WASHC2C: variants seen among roughly 807,000 people sequenced by gnomAD.
The protein encoded by WASHC2C is WASH complex subunit 2C.
A neutral mutation model predicts 142.2 loss-of-function variants in WASHC2C; 73 were observed. The observed-to-expected ratio is 0.51, with a 90% confidence interval of 0.43 to 0.62. WASHC2C has a LOEUF of 0.62. WASHC2C is among the 20% of genes least tolerant of loss of function. WASHC2C has a pLI of 0.00. For synonymous variants in WASHC2C, 337 were observed against 565.5 expected (o/e 0.60, Z 5.73); for missense variants, 969 against 1,531.7 (o/e 0.63, Z 6.13).
At chr10:45,780,082 C>T (rs2057381509) in intron 23 of WASHC2C, among the ~76,000 whole-genome samples, 2 of 151,856 alleles carry the variant, frequency 1.3e-5, no homozygotes, top group East Asian at 3.9e-4. Context: ...GCTAGATATC[C>T]TTTATGAATG....
intron 11 of WASHC2C, among the ~76,000 whole-genome samples, chr10:45,751,928 G>C (rs2053641188): frequency 6.6e-6 from 1 of 152,168 alleles, no homozygotes; most frequent in Admixed American, 6.5e-5. Context: ...AGTGAGCCTT[G>C]ATCGCGCCAC....
rs1435324853 is a variant in WASHC2C at position 45,727,531 on chromosome 10, G to A, written c.118G>A (p.Asp40Asn). 6 of 1,586,406 alleles carry A rather than the reference G, an allele frequency of 3.8e-6. No individual in the cohort carries two copies. Among genetic ancestry groups the A allele is most frequent in the Non-Finnish European group, 5.1e-6 (6 of 1,168,030 alleles). Residue 40 changes from aspartate to asparagine, a missense_variant, in exon 2 of 31, where the codon GAC becomes AAC. Physicochemically the swap from Asp to Asn is conservative, Grantham distance 23. Transcript: ENST00000623400. Reference sequence around the variant, plus strand: ...CAGCCAGAGCTGGTCGCTGGCGGCCGACGCGGGCGTGAGAGGCGGGCCCCG... The same window carrying A: ...CAGCCAGAGCTGGTCGCTGGCGGCCAACGCGGGCGTGAGAGGCGGGCCCCG... ...RSSQSWSLAA[D>N]AGLLQFLQEF...
chr10:45,727,128 T>C, upstream of WASHC2C: 1 of 1,424,108 alleles, frequency 7.0e-7, no homozygotes, highest in East Asian at 2.7e-5. Flanking sequence ...CAAACTCCAG[T>C]CCCAGTCCAC....
intron 30 of WASHC2C, 67 bp from the exon 31 acceptor site, chr10:45,792,194 G>A: frequency 1.3e-6 from 2 of 1,539,646 alleles, no homozygotes; most frequent in African/African-American, 1.4e-5. Flanking sequence ...TGGTTTGCTT[G>A]CATGTGTCTT....
chr10:45,762,476 A>G (rs1463639485), intron 17 of WASHC2C, among the ~76,000 whole-genome samples: 4 of 152,256 alleles, frequency 2.6e-5, no homozygotes, highest in African/African-American at 9.6e-5. Context: ...GATTATAGAC[A>G]TGAGCCACAG....
chr10:45,727,466 T>G lies in WASHC2C; in HGVS notation c.53T>G (p.Val18Gly). 6.2e-7 allele frequency: 1 copy of G among 1,610,132 alleles called. No individual in the cohort carries two copies. The highest frequency in any genetic ancestry group is 1.3e-5 in the African/African-American group (1 of 74,860). The change falls in exon 2 of 31, where the codon GTG becomes GGG. Residue 18 changes from valine (V) to glycine (G), a missense_variant. Transcript: ENST00000623400. ...GAGCTGGTGCCGGCGTCGGAGCCCG[T>G]GTGGGAGCGGCCGTGGTCGGTGGAG... ...DQELVPASEP[V>G]WERPWSVEEI...
At chr10:45,761,633 C>T (rs559882771) in intron 17 of WASHC2C, among the ~76,000 whole-genome samples, 217 of 152,296 alleles carry the variant, frequency 1.4e-3, no homozygotes, top group African/African-American at 4.8e-3. Context: ...TGACTCCTTT[C>T]TCTATATCTG....
chr10:45,771,576 T>C, intron 20 of WASHC2C: 3 of 981,752 alleles, frequency 3.1e-6, no homozygotes, highest in Non-Finnish European at 3.6e-6. Flanking sequence ...GAACCCCATC[T>C]TGTTTGTGGG....
intron 3 of WASHC2C, among the ~76,000 whole-genome samples, chr10:45,731,753 A>G (rs145524905): frequency 0.024 from 3,722 of 152,002 alleles, 61 homozygotes; most frequent in Middle Eastern, 0.056. Flanking sequence ...TAAAACTCTG[A>G]AAAAATATAC....
At chr10:45,729,347 C>T (rs1476490770) in intron 3 of WASHC2C, among the ~76,000 whole-genome samples, 3 of 152,216 alleles carry the variant, frequency 2.0e-5, no homozygotes, top group Non-Finnish European at 2.9e-5. Context: ...GTAAGGACAG[C>T]TGTTTACCTG....
intron 18 of WASHC2C, among the ~76,000 whole-genome samples, chr10:45,764,828 A>G (rs1306452320): frequency 4.6e-5 from 7 of 152,198 alleles, no homozygotes; most frequent in Non-Finnish European, 7.3e-5. Flanking sequence ...TGCATAGTGA[A>G]TGTGAGCTCT....
intron 4 of WASHC2C, among the ~76,000 whole-genome samples, chr10:45,738,570 G>A (rs1330991057): frequency 2.0e-5 from 3 of 151,946 alleles, no homozygotes; most frequent in African/African-American, 7.2e-5. Flanking sequence ...ACCTGTAAAG[G>A]TTGGCCCTTT....
intron 20 of WASHC2C, among the ~76,000 whole-genome samples, chr10:45,770,735 T>C (rs1454226528): frequency 3.3e-5 from 5 of 152,224 alleles, no homozygotes; most frequent in Admixed American, 2.6e-4. Flanking sequence ...ATTTAGAATA[T>C]AGGCTCTGGA....
chr10:45,754,283 C>A (rs1342986331), intron 13 of WASHC2C, among the ~76,000 whole-genome samples: 1 of 151,910 alleles, frequency 6.6e-6, no homozygotes, highest in African/African-American at 2.4e-5. Context: ...AGTCACAGCT[C>A]AGATTGTGTT....
At chr10:45,789,584 C>T (rs1409752180) in intron 29 of WASHC2C, 93 bp downstream of exon 29, 10 of 1,542,584 alleles carry the variant, frequency 6.5e-6, no homozygotes, top group South Asian at 2.3e-5. Context: ...TAGCTTGTTG[C>T]GTGCATACCC....
chr10:45,741,470 T>A (rs1186336221), intron 5 of WASHC2C, among the ~76,000 whole-genome samples: 3 of 149,248 alleles, frequency 2.0e-5, no homozygotes, highest in African/African-American at 4.9e-5. Flanking sequence ...CTTTTTTTTT[T>A]CCCCTTGCAG....
intron 27 of WASHC2C, 155 bp from the exon 28 acceptor site, chr10:45,786,880 G>A (rs180854032): frequency 2.8e-5 from 44 of 1,584,466 alleles, no homozygotes; most frequent in African/African-American, 5.4e-5. Flanking sequence ...AAGACGCTCT[G>A]TTTTAATTCT....
At chr10:45,727,131 C>G (rs1297431579), upstream of WASHC2C, 2 of 1,425,622 alleles carry the variant, frequency 1.4e-6, no homozygotes, top group Non-Finnish European at 9.1e-7. Flanking sequence ...ACTCCAGTCC[C>G]AGTCCACTTC....
intron 8 of WASHC2C, among the ~76,000 whole-genome samples, chr10:45,749,007 C>T (rs2053200422): frequency 6.6e-6 from 1 of 152,166 alleles, no homozygotes; most frequent in African/African-American, 2.4e-5. Context: ...TGTTATTCTG[C>T]GCTTTTTTGC....
Sources: gnomAD v4.1 joint callset for allele counts (sites outside exome capture counted in the v4.1 genomes callset) on GRCh38, gnomAD v4.1.1 for gene constraint, MANE v1.5 for transcripts, NCBI Gene and HGNC (gene_info 2026-07-23, HGNC 2026-07-21) for gene names.